Variants in GPATCH2 observed in about 807,000 individuals in gnomAD.
The protein encoded by GPATCH2 is G patch domain-containing protein 2.
Under a neutral mutation model 58.0 loss-of-function variants are expected in GPATCH2, and 51 were observed. That is an observed-to-expected ratio of 0.88 (90% CI 0.70 to 1.11). The LOEUF (loss-of-function observed/expected upper bound fraction) is 1.11. Ranked by LOEUF, GPATCH2 falls within the 50% of genes most tolerant of loss-of-function variation. The pLI is 0.00. For missense variants in GPATCH2, 625 were observed against 652.2 expected (o/e 0.96, Z 0.45); for synonymous variants, 222 against 218.5 (o/e 1.02, Z -0.14).
intron 5 of GPATCH2, chr1:217,609,483 A>G: frequency 6.1e-6 from 6 of 984,118 alleles, no homozygotes; most frequent in Non-Finnish European, 7.2e-6. Context: ...ACTGTGGCTA[A>G]TTTAAAACGA....
intron 6 of GPATCH2, among the ~76,000 whole-genome samples, chr1:217,505,537 A>G (rs1229560438): frequency 6.6e-6 from 1 of 152,160 alleles, no homozygotes; most frequent in Non-Finnish European, 1.5e-5. Flanking sequence ...ATAGGATTTC[A>G]TGGGAAGTCA....
chr1:217,517,650 A>G (rs1441651345), intron 5 of GPATCH2, among the ~76,000 whole-genome samples: 2 of 152,260 alleles, frequency 1.3e-5, no homozygotes, highest in South Asian at 4.1e-4. Context: ...TAATCTTTAC[A>G]AAAATTAAAG....
At chr1:217,568,331 G>A (rs1558491027) in intron 5 of GPATCH2, among the ~76,000 whole-genome samples, 2 of 152,126 alleles carry the variant, frequency 1.3e-5, no homozygotes, top group Admixed American at 6.5e-5. Context: ...AACACTGACC[G>A]AGTACTATGT....
chr1:217,447,310 T>C (rs1659435604), intron 9 of GPATCH2, among the ~76,000 whole-genome samples: 1 of 152,232 alleles, frequency 6.6e-6, no homozygotes, highest in African/African-American at 2.4e-5. Context: ...GGACAATCTT[T>C]ATATATATGT....
chr1:217,464,886 A>ACTC (rs1660372179), intron 8 of GPATCH2, among the ~76,000 whole-genome samples: 2 of 152,178 alleles, frequency 1.3e-5, no homozygotes, highest in African/African-American at 4.8e-5. Flanking sequence ...AAAGGAAAAA[A>ACTC]TAAGGTCCTT....
At chr1:217,510,620 T>C (rs1353362150) in intron 6 of GPATCH2, among the ~76,000 whole-genome samples, 1 of 152,140 alleles carries the variant, frequency 6.6e-6, no homozygotes, top group Admixed American at 6.5e-5. Context: ...TCTATCACCA[T>C]CTTTTAATTT....
chr1:217,555,691 G>T (rs1383757147), intron 5 of GPATCH2, among the ~76,000 whole-genome samples: 2 of 152,140 alleles, frequency 1.3e-5, no homozygotes, highest in African/African-American at 4.8e-5. Context: ...AAGCTGCAGA[G>T]AATTAGACAC....
At chr1:217,599,445 A>C (rs1558514813) in intron 5 of GPATCH2, among the ~76,000 whole-genome samples, 1 of 152,204 alleles carries the variant, frequency 6.6e-6, no homozygotes. Context: ...ATAAAGAAAT[A>C]AGGCTCAGAC....
At chr1:217,448,521 C>T (rs1659500503) in intron 9 of GPATCH2, among the ~76,000 whole-genome samples, 1 of 152,168 alleles carries the variant, frequency 6.6e-6, no homozygotes, top group Non-Finnish European at 1.5e-5. Context: ...CTTACCACTG[C>T]TCTTGCATGA....
intron 5 of GPATCH2, among the ~76,000 whole-genome samples, chr1:217,516,182 A>G (rs956648183): frequency 6.6e-6 from 1 of 151,956 alleles, no homozygotes; most frequent in African/African-American, 2.4e-5. Flanking sequence ...ACAAATGACA[A>G]GGCATACATT....
At chr1:217,592,210 T>C (rs1667626043) in intron 5 of GPATCH2, among the ~76,000 whole-genome samples, 1 of 152,036 alleles carries the variant, frequency 6.6e-6, no homozygotes. Context: ...TATGGCATCT[T>C]GTATTATAGC....
At chr1:217,572,404 G>C (rs1398752213) in intron 5 of GPATCH2, among the ~76,000 whole-genome samples, 1 of 152,060 alleles carries the variant, frequency 6.6e-6, no homozygotes, top group Non-Finnish European at 1.5e-5. Context: ...CATAAAGCCT[G>C]GACACAAAGG....
chr1:217,536,312 G>A (rs1036506335), intron 5 of GPATCH2, among the ~76,000 whole-genome samples: 1 of 152,070 alleles, frequency 6.6e-6, no homozygotes, highest in Non-Finnish European at 1.5e-5. Context: ...TTTCTGTAAG[G>A]ATTAAAAAGA....
At chr1:217,472,388 G>A (rs1008797462) in intron 8 of GPATCH2, among the ~76,000 whole-genome samples, 1 of 142,204 alleles carries the variant, frequency 7.0e-6, no homozygotes. Context: ...TGCAAGCTCC[G>A]CTTCCCAGGT....
intron 5 of GPATCH2, among the ~76,000 whole-genome samples, chr1:217,520,443 G>T (rs1345937509): frequency 6.6e-6 from 1 of 152,156 alleles, no homozygotes; most frequent in Non-Finnish European, 1.5e-5. Context: ...GGCCCATCAG[G>T]TTCCTATCAT....
intron 9 of GPATCH2, among the ~76,000 whole-genome samples, chr1:217,446,786 C>T (rs1369439381): frequency 6.6e-6 from 1 of 152,128 alleles, no homozygotes; most frequent in Non-Finnish European, 1.5e-5. Flanking sequence ...CTGTTTTAGG[C>T]TAAAGTTCAA....
chr1:217,487,720 C>T (rs917689029), intron 8 of GPATCH2, among the ~76,000 whole-genome samples: 7 of 151,882 alleles, frequency 4.6e-5, no homozygotes, highest in Admixed American at 1.3e-4. Flanking sequence ...CCACTGCACC[C>T]GGCCAGAAGT....
At chr1:217,526,281 T>C (rs1337618755) in intron 5 of GPATCH2, among the ~76,000 whole-genome samples, 1 of 152,236 alleles carries the variant, frequency 6.6e-6, no homozygotes, top group Non-Finnish European at 1.5e-5. Context: ...AATATTGTTC[T>C]GTACAGGCTG....
At chr1:217,544,809 TA>T (rs1664949772) in intron 5 of GPATCH2, among the ~76,000 whole-genome samples, 1 of 152,232 alleles carries the variant, frequency 6.6e-6, no homozygotes, top group African/African-American at 2.4e-5. Context: ...AAATAAAATA[TA>T]AATGAATACT....
Sources: allele counts gnomAD v4.1 joint callset (sites outside exome capture counted in the v4.1 genomes callset), GRCh38; gene constraint gnomAD v4.1.1; transcripts MANE v1.5; gene names NCBI Gene and HGNC (gene_info 2026-07-23, HGNC 2026-07-21).